SNX27: variants seen among roughly 807,000 people sequenced by gnomAD.
SNX27 encodes sorting nexin-27.
SNX27 carries 22 observed loss-of-function variants against 71.6 expected under a neutral mutation model. That is an observed-to-expected ratio of 0.31 (90% CI 0.22 to 0.44). The LOEUF (loss-of-function observed/expected upper bound fraction) is 0.44, where lower values mean the gene tolerates loss of function less well. Ranked by LOEUF, SNX27 falls within the 20% of genes least tolerant of loss-of-function variation. The pLI is 1.00. For synonymous variants in SNX27, 269 were observed against 277.2 expected (o/e 0.97, Z 0.29); for missense variants, 531 against 698.6 (o/e 0.76, Z 2.70).
intron 1 of SNX27, among the ~76,000 whole-genome samples, chr1:151,619,663 G>C (rs1667583519): frequency 6.6e-6 from 1 of 152,024 alleles, no homozygotes; most frequent in Non-Finnish European, 1.5e-5. Flanking sequence ...TTTGAGTGCT[G>C]GTGGTGGCCT....
intron 1 of SNX27, among the ~76,000 whole-genome samples, chr1:151,617,249 G>A (rs530213148): frequency 2.0e-5 from 3 of 151,894 alleles, no homozygotes; most frequent in African/African-American, 7.3e-5. Context: ...TGTATAGTGT[G>A]TTATAGTTTG....
At chr1:151,650,789 G>C (rs1042446634) in intron 2 of SNX27, among the ~76,000 whole-genome samples, 5 of 151,530 alleles carry the variant, frequency 3.3e-5, no homozygotes, top group Non-Finnish European at 7.4e-5. Flanking sequence ...TGAGATTAGG[G>C]AGTGGTGATG....
In SNX27 at chr1:151,696,498, TTTCTTTCGTTCTTTCG is replaced by T. The variant is rs771754229; in HGVS notation, c.*2097_*2112del. ...CTTTCTTTCTTTCTTTCTTTCTTTC[TTTCTTTCGTTCTTTCG>T]TTCTTTCGTTCTTTCTTTCTTTCTT... On this transcript the variant is annotated 3_prime_UTR_variant, in exon 12 of 12. Coordinates refer to ENST00000458013, the MANE Select transcript of SNX27 (RefSeq NM_001330723.2). 1.0e-4 allele frequency: 11 copies of T among 106,500 alleles called. No individual in the cohort carries two copies. The highest frequency in any genetic ancestry group is 2.8e-4 in the African/African-American group (8 of 28,466). 6.6% of individuals were successfully genotyped at this position (106,500 alleles called of 1,614,324 possible).
chr1:151,625,714 G>A (rs140954202), intron 1 of SNX27, among the ~76,000 whole-genome samples: 5 of 150,752 alleles, frequency 3.3e-5, no homozygotes, highest in African/African-American at 4.9e-5. Context: ...GAACCGGGGC[G>A]GTGGAAGTTG....
At chr1:151,657,278 A>G (rs72692746) in intron 2 of SNX27, among the ~76,000 whole-genome samples, 3,713 of 152,180 alleles carry the variant, frequency 0.024, 62 homozygotes, top group Middle Eastern at 0.048. Context: ...GATTCAAACA[A>G]TCCTCCCACC....
At chr1:151,639,642 T>G (rs1021086686) in intron 2 of SNX27, among the ~76,000 whole-genome samples, 2 of 152,206 alleles carry the variant, frequency 1.3e-5, no homozygotes, top group African/African-American at 4.8e-5. Context: ...TTAACTGTGG[T>G]TTTTCCCACG....
At position 151,696,288 on chromosome 1, in the gene SNX27, C is replaced by G. The variant is rs529809618; in HGVS notation, c.*1871C>G. Reference sequence around the variant, plus strand: ...GATGCAACTAAAACACATCTTTGAGCCTTTTCTTTTTCCCTTCTCCCCTTT... The same window carrying G: ...GATGCAACTAAAACACATCTTTGAGGCTTTTCTTTTTCCCTTCTCCCCTTT... On this transcript the variant is annotated 3_prime_UTR_variant, in exon 12 of 12. Coordinates refer to ENST00000458013, the MANE Select transcript of SNX27 (RefSeq NM_001330723.2). The G allele has an allele frequency of 6.6e-6, 1 of 152,142 alleles. No individual in the cohort carries two copies. The highest frequency in any genetic ancestry group is 1.5e-5 in the Non-Finnish European group (1 of 68,010). The allele number at this position is 152,142 out of a possible 1,614,324, so 9.4% of individuals were successfully genotyped here.
Position 151,692,548 on chromosome 1 carries a change from T to C in SNX27, c.1353T>C (p.Phe451=), listed in dbSNP as rs1671506193. ...TCACAGCCATCAGCATCACGCACTT[T>C]AAACTGCATGCCTGCACTGAAGAAG... ...HVITAISITH[F]KLHACTEEGQ... The change falls in exon 9 of 12, where the codon TTT becomes TTC. Residue 451 remains phenylalanine, a synonymous_variant. Coordinates refer to ENST00000458013, the MANE Select transcript of SNX27 (RefSeq NM_001330723.2). 2 of 1,613,584 alleles carry C rather than the reference T, an allele frequency of 1.2e-6. No homozygotes were observed. The highest frequency in any genetic ancestry group is 1.3e-5 in the African/African-American group (1 of 74,788).
chr1:151,682,894 G>T (rs940975922), intron 7 of SNX27, among the ~76,000 whole-genome samples: 4 of 152,132 alleles, frequency 2.6e-5, no homozygotes, highest in Non-Finnish European at 5.9e-5. Context: ...AATTAGCTGG[G>T]CGTGATGGCT....
rs1667210382 is a variant in SNX27 at position 151,612,284 on chromosome 1, T to G, written c.83T>G (p.Leu28Arg). The change falls in exon 1 of 12, where the codon CTC becomes CGC. Residue 28 changes from leucine to arginine, a missense_variant. Physicochemically the swap from Leu to Arg is moderately radical, Grantham distance 102. Coordinates refer to ENST00000458013, the MANE Select transcript of SNX27 (RefSeq NM_001330723.2). This position sits in a 1 kb window ranked among gnomAD's most constrained non-coding sequence, Gnocchi z 5.2. ...GGGGGGGGSG[L>R]HCAGNGGGGG... Reference sequence around the variant, plus strand: ...GGCGGCGGCGGCGGGGGGTCTGGGCTCCACTGCGCCGGGAACGGCGGCGGG... The same window carrying G: ...GGCGGCGGCGGCGGGGGGTCTGGGCGCCACTGCGCCGGGAACGGCGGCGGG... 5 of 1,499,926 alleles carry G rather than the reference T, an allele frequency of 3.3e-6. No homozygotes were observed. The highest frequency in any genetic ancestry group is 3.5e-6 in the Non-Finnish European group (4 of 1,126,842). The allele number at this position is 1,499,926 out of a possible 1,614,324, so 92.9% of individuals were successfully genotyped here.
rs1031642646 is a variant in SNX27, at chr1:151,696,899, C to G, written c.*2482C>G. ...TCCTGACCTCAAGTAATCTGCCCAC[C>G]TCGGCCTCCCAAAGTGCTAGGATTA... On this transcript the variant is annotated 3_prime_UTR_variant, in exon 12 of 12. Transcript: ENST00000458013. 6.6e-6 allele frequency: 1 copy of G among 152,140 alleles called. No homozygotes were observed. The highest frequency in any genetic ancestry group is 2.4e-5 in the African/African-American group (1 of 41,420). The allele number at this position is 152,140 out of a possible 1,614,324, so 9.4% of individuals were successfully genotyped here.
intron 2 of SNX27, among the ~76,000 whole-genome samples, chr1:151,651,300 C>G (rs1384408808): frequency 6.6e-6 from 1 of 151,272 alleles, no homozygotes; most frequent in Non-Finnish European, 1.5e-5. Flanking sequence ...TACCTCCCTC[C>G]CAGATGGGGC....
At chr1:151,623,435 C>T (rs1329689047) in intron 1 of SNX27, among the ~76,000 whole-genome samples, 1 of 151,134 alleles carries the variant, frequency 6.6e-6, no homozygotes, top group Non-Finnish European at 1.5e-5. Context: ...CCACCGCGCC[C>T]AGTATTTTTT....
At chr1:151,640,530 A>G (rs1177685697) in intron 2 of SNX27, among the ~76,000 whole-genome samples, 1 of 151,906 alleles carries the variant, frequency 6.6e-6, no homozygotes, top group East Asian at 1.9e-4. Flanking sequence ...GCGCACCACC[A>G]TGCCCTGCTA....
Position 151,639,138 on chromosome 1 carries a change from C to A in SNX27, c.543+19C>A. ...GTTTGTGGTGAGTGTCAGCCCAACTCGATCCTCGAACATCTAGCTTTGTTT... is the reference window on the plus strand; with the variant it reads ...GTTTGTGGTGAGTGTCAGCCCAACTAGATCCTCGAACATCTAGCTTTGTTT... On this transcript the variant is annotated intron_variant, in intron 2 of 11. Transcript: ENST00000458013. 1 of 1,592,490 alleles carries A rather than the reference C, an allele frequency of 6.3e-7. No homozygotes were observed. Among genetic ancestry groups the A allele is most frequent in the Non-Finnish European group, 8.6e-7 (1 of 1,162,724 alleles).
intron 1 of SNX27, among the ~76,000 whole-genome samples, chr1:151,626,380 A>G (rs966247815): frequency 7.2e-5 from 11 of 151,780 alleles, no homozygotes; most frequent in Non-Finnish European, 1.2e-4. Flanking sequence ...AGACACTTTT[A>G]TATTGTCTCT....
chr1:151,662,327 G>T (rs11808761), intron 5 of SNX27, 57 bp downstream of exon 5: 1 of 1,178,266 alleles, frequency 8.5e-7, no homozygotes, highest in Non-Finnish European at 1.3e-6. Context: ...AAGGAAGATA[G>T]ATTAAATAAG....
chr1:151,656,650 G>C (rs1669704957), intron 2 of SNX27, among the ~76,000 whole-genome samples: 1 of 152,196 alleles, frequency 6.6e-6, no homozygotes, highest in South Asian at 2.1e-4. Context: ...TGTACAGCAG[G>C]AGGCATTTAT....
At chr1:151,620,942 G>A (rs753325448) in intron 1 of SNX27, among the ~76,000 whole-genome samples, 1 of 152,004 alleles carries the variant, frequency 6.6e-6, no homozygotes, top group Non-Finnish European at 1.5e-5. Context: ...CACCCACCTC[G>A]GCCTCCCAAA....
Sources: gnomAD v4.1 joint callset for allele counts (sites outside exome capture counted in the v4.1 genomes callset) on GRCh38, gnomAD v4.1.1 for gene constraint, Gnocchi (gnomAD v3.1) non-coding constraint, MANE v1.5 for transcripts, NCBI Gene and HGNC (gene_info 2026-07-23, HGNC 2026-07-21) for gene names.